Variants in NKAIN2 observed in about 807,000 individuals in gnomAD.
The protein encoded by NKAIN2 is sodium/potassium transporting ATPase interacting 2.
NKAIN2 carries 14 observed loss-of-function variants against 32.6 expected under a neutral mutation model. The ratio of observed to expected loss-of-function variants is 0.43; its 90% CI spans 0.28 to 0.67. NKAIN2 has a LOEUF of 0.67. Among genes scored for constraint, NKAIN2 ranks in the 30% least tolerant of loss-of-function variants. The pLI, the probability that NKAIN2 is intolerant of heterozygous loss-of-function variation, is 0.17. For synonymous variants in NKAIN2, 80 were observed against 87.2 expected (o/e 0.92, Z 0.46); for missense variants, 198 against 258.3 (o/e 0.77, Z 1.60).
At chr6:124,100,367 T>C (rs540225055) in intron 1 of NKAIN2, among the ~76,000 whole-genome samples, 41 of 152,334 alleles carry the variant, frequency 2.7e-4, no homozygotes, top group African/African-American at 9.9e-4. Context: ...GTCTGAAGAG[T>C]ATACACAGAT....
chr6:124,663,197 C>A (rs1244117872), intron 4 of NKAIN2, among the ~76,000 whole-genome samples: 1 of 152,008 alleles, frequency 6.6e-6, no homozygotes, highest in Non-Finnish European at 1.5e-5. Context: ...GAGGCCGAGG[C>A]CACTGGATCA....
chr6:124,000,610 C>T (rs1279497227), intron 1 of NKAIN2, among the ~76,000 whole-genome samples: 5 of 151,858 alleles, frequency 3.3e-5, no homozygotes, highest in African/African-American at 4.8e-5. Context: ...TTTCCCTATA[C>T]GTCTAGAAAC....
intron 3 of NKAIN2, among the ~76,000 whole-genome samples, chr6:124,512,048 T>C (rs1377790748): frequency 6.6e-6 from 1 of 152,216 alleles, no homozygotes; most frequent in Non-Finnish European, 1.5e-5. Context: ...TTGAATTTTC[T>C]CCAGAGAAGA....
chr6:123,821,943 CTT>C (rs5879699), intron 1 of NKAIN2, among the ~76,000 whole-genome samples: 13,160 of 151,764 alleles, frequency 0.087, 1,030 homozygotes, highest in African/African-American at 0.21. Flanking sequence ...AATTTGAACA[CTT>C]TTTCTTTTCA....
intron 4 of NKAIN2, among the ~76,000 whole-genome samples, chr6:124,773,335 G>C (rs866231914): frequency 2.0e-5 from 3 of 149,198 alleles, no homozygotes; most frequent in Non-Finnish European, 3.0e-5. Flanking sequence ...TGCGAGTGGT[G>C]GGGGGGTCAC....
chr6:124,545,345 A>G (rs911078044), intron 3 of NKAIN2, among the ~76,000 whole-genome samples: 3 of 152,126 alleles, frequency 2.0e-5, no homozygotes, highest in Non-Finnish European at 2.9e-5. Context: ...TTTTCTCCCT[A>G]TTAAAACTAT....
At chr6:124,346,213 TTC>T (rs1798415470) in intron 2 of NKAIN2, among the ~76,000 whole-genome samples, 1 of 152,210 alleles carries the variant, frequency 6.6e-6, no homozygotes, top group Non-Finnish European at 1.5e-5. Context: ...TTTTTATAAT[TTC>T]TGTTCTTTTA....
chr6:124,698,765 T>C (rs1019424501), intron 4 of NKAIN2, among the ~76,000 whole-genome samples: 3 of 152,146 alleles, frequency 2.0e-5, no homozygotes, highest in African/African-American at 7.2e-5. Context: ...AAAGTTTCAG[T>C]GGGAAAAAGT....
At chr6:124,445,036 A>G (rs1367123034) in intron 3 of NKAIN2, among the ~76,000 whole-genome samples, 5 of 152,090 alleles carry the variant, frequency 3.3e-5, no homozygotes, top group Admixed American at 6.6e-5. Context: ...AATGCAGACT[A>G]CGAGGTCATT....
intron 3 of NKAIN2, among the ~76,000 whole-genome samples, chr6:124,411,705 T>A (rs1314843967): frequency 2.0e-5 from 3 of 152,208 alleles, no homozygotes; most frequent in Admixed American, 6.5e-5. Flanking sequence ...GTTCTCTGTA[T>A]TTCCTGAATT....
At chr6:123,845,030 A>C (rs113212303) in intron 1 of NKAIN2, among the ~76,000 whole-genome samples, 205 of 152,332 alleles carry the variant, frequency 1.3e-3, no homozygotes, top group African/African-American at 4.2e-3. Context: ...ATTGGAAAAC[A>C]ACCTTAAACA....
intron 1 of NKAIN2, among the ~76,000 whole-genome samples, chr6:123,876,453 C>T (rs1000211180): frequency 6.6e-6 from 1 of 152,092 alleles, no homozygotes; most frequent in African/African-American, 2.4e-5. Flanking sequence ...CATATATATA[C>T]ATACACACAC....
chr6:124,703,031 T>A (rs1774877096), intron 4 of NKAIN2, among the ~76,000 whole-genome samples: 1 of 151,964 alleles, frequency 6.6e-6, no homozygotes, highest in Non-Finnish European at 1.5e-5. Context: ...AGAGTAAAAG[T>A]TGCATGCAAA....
intron 1 of NKAIN2, among the ~76,000 whole-genome samples, chr6:124,222,069 C>T (rs975505745): frequency 2.0e-5 from 3 of 152,114 alleles, no homozygotes; most frequent in Non-Finnish European, 2.9e-5. Context: ...CTACCTATCC[C>T]GTAAAGGATG....
At chr6:123,862,421 C>T (rs1775819203) in intron 1 of NKAIN2, among the ~76,000 whole-genome samples, 1 of 152,146 alleles carries the variant, frequency 6.6e-6, no homozygotes, top group South Asian at 2.1e-4. Context: ...ACTATAGTAG[C>T]TGCATCCTGA....
chr6:124,729,569 A>C (rs564881261), intron 4 of NKAIN2, among the ~76,000 whole-genome samples: 113 of 151,608 alleles, frequency 7.5e-4, no homozygotes, highest in Non-Finnish European at 1.4e-3. Context: ...CAAAATAATA[A>C]AAGCTATCTA....
chr6:123,906,739 C>T (rs1295182447), intron 1 of NKAIN2, among the ~76,000 whole-genome samples: 1 of 152,194 alleles, frequency 6.6e-6, no homozygotes, highest in East Asian at 1.9e-4. Context: ...TTCATATATG[C>T]CATTTGGTGG....
rs960352773 is a variant in NKAIN2 at position 124,698,696 on chromosome 6, T to C, written c.474+40310T>C. Among the ~76,000 whole-genome samples, 10 of 152,212 alleles carry C rather than the reference T, an allele frequency of 6.6e-5. 1 individual carries two copies. The highest frequency in any genetic ancestry group is 2.2e-4 in the African/African-American group (9 of 41,448). On this transcript the variant is annotated intron_variant, in intron 4 of 6. Coordinates refer to ENST00000368417, the MANE Select transcript of NKAIN2 (RefSeq NM_001040214.3). Reference sequence around the variant, plus strand: ...ATCATCTTAATGTGATTGTAATTTATGTATTGTGTTTTTCAAAGCTATATC... The same window carrying C: ...ATCATCTTAATGTGATTGTAATTTACGTATTGTGTTTTTCAAAGCTATATC...
chr6:124,339,376 C>A (rs1272089520), intron 2 of NKAIN2, among the ~76,000 whole-genome samples: 2 of 152,028 alleles, frequency 1.3e-5, no homozygotes, highest in Non-Finnish European at 2.9e-5. Flanking sequence ...ACAAAAACTG[C>A]AGAAATTTAT....
Sources: gnomAD v4.1 joint callset for allele counts (sites outside exome capture counted in the v4.1 genomes callset) on GRCh38, gnomAD v4.1.1 for gene constraint, MANE v1.5 for transcripts, NCBI Gene and HGNC (gene_info 2026-07-23, HGNC 2026-07-21) for gene names.